Variants in CDH7 observed in about 807,000 individuals in gnomAD.
The protein encoded by CDH7 is cadherin 7.
In CDH7, 25 loss-of-function variants were observed where a neutral mutation model predicts 71.8. That is an observed-to-expected ratio of 0.35 (90% CI 0.25 to 0.49). The LOEUF is 0.49. Ranked by LOEUF, CDH7 falls within the 20% of genes least tolerant of loss-of-function variation. The pLI is 0.99. For synonymous variants in CDH7, 381 were observed against 363.8 expected, an observed-to-expected ratio of 1.05 and a Z score of -0.54; for missense variants, 862 against 974.6, an observed-to-expected ratio of 0.88 and a Z score of 1.54.
intron 2 of CDH7, among the ~76,000 whole-genome samples, chr18:65,764,533 GA>G (rs1342471374): frequency 6.6e-6 from 1 of 151,980 alleles, no homozygotes; most frequent in Non-Finnish European, 1.5e-5. Flanking sequence ...TAAAGAAATT[GA>G]GAGGAGTAAC....
At chr18:65,822,475 A>C (rs1181862680) in intron 5 of CDH7, among the ~76,000 whole-genome samples, 1 of 152,102 alleles carries the variant, frequency 6.6e-6, no homozygotes, top group Non-Finnish European at 1.5e-5. Context: ...CTTCTATCTT[A>C]AATATAGTAA....
In CDH7 at chr18:65,885,539, C is replaced by T. The variant is rs571507510; in HGVS notation, c.*4645C>T. ...ACTACAGGCGCCCGCCACCGCGCCCCGCTAATTTTTTTGTATTTTTAGTAC... is the reference window on the plus strand; with the variant it reads ...ACTACAGGCGCCCGCCACCGCGCCCTGCTAATTTTTTTGTATTTTTAGTAC... On this transcript the variant is annotated 3_prime_UTR_variant, in exon 12 of 12. Coordinates refer to ENST00000397968, the MANE Select transcript of CDH7 (RefSeq NM_004361.5). 2.9e-4 allele frequency: 44 copies of T among 151,516 alleles called. No individual in the cohort carries two copies. The highest frequency in any genetic ancestry group is 5.0e-4 in the Non-Finnish European group (34 of 67,862). 9.4% of individuals were successfully genotyped at this position (151,516 alleles called of 1,614,324 possible).
chr18:65,793,870 G>T (rs988586193), intron 2 of CDH7, among the ~76,000 whole-genome samples: 1 of 152,070 alleles, frequency 6.6e-6, no homozygotes, highest in Non-Finnish European at 1.5e-5. Flanking sequence ...GTAAGACTTT[G>T]ATTTGGCTTT....
Position 65,857,518 on chromosome 18 carries a change from A to G in CDH7, c.1236-298A>G, listed in dbSNP as rs552591372. ...CCTGTATCAAAAATAAATAAATAAT[A>G]ATAGTAATAATAATGAACTTGAAGT... On this transcript the variant is annotated intron_variant, in intron 7 of 11. Coordinates refer to ENST00000397968, the MANE Select transcript of CDH7 (RefSeq NM_004361.5). Among the ~76,000 whole-genome samples the G allele has an allele frequency of 4.0e-5, 6 of 151,770 alleles. No homozygotes were observed. The South Asian group carries it at 1.2e-3, about 32-fold the overall frequency.
intron 1 of CDH7, among the ~76,000 whole-genome samples, chr18:65,751,388 A>G (rs926148216): frequency 6.6e-6 from 1 of 152,200 alleles, no homozygotes; most frequent in Non-Finnish European, 1.5e-5. Flanking sequence ...GTGTTGACAG[A>G]CACCAGGTGC....
At chr18:65,837,081 A>G (rs530518650) in intron 6 of CDH7, among the ~76,000 whole-genome samples, 2 of 152,158 alleles carry the variant, frequency 1.3e-5, no homozygotes, top group African/African-American at 4.8e-5. Flanking sequence ...TATTGTTTAT[A>G]TATTATCTTT....
At chr18:65,783,532 A>C (rs578071548) in intron 2 of CDH7, among the ~76,000 whole-genome samples, 6 of 152,184 alleles carry the variant, frequency 3.9e-5, no homozygotes, top group Non-Finnish European at 8.8e-5. Flanking sequence ...ACTTTAGATT[A>C]TGAATACCAC....
chr18:65,824,910 A>G, intron 6 of CDH7, 79 bp downstream of exon 6: 1 of 921,132 alleles, frequency 1.1e-6, no homozygotes, highest in Non-Finnish European at 1.6e-6. Context: ...TACTAGACAA[A>G]CCGAATGGCC....
intron 6 of CDH7, among the ~76,000 whole-genome samples, chr18:65,826,748 A>G (rs1912145204): frequency 6.6e-6 from 1 of 151,510 alleles, no homozygotes; most frequent in East Asian, 1.9e-4. Flanking sequence ...CCAAATGGAA[A>G]TAAATATCAT....
At chr18:65,833,698 A>G (rs62086457) in intron 6 of CDH7, among the ~76,000 whole-genome samples, 1 of 152,132 alleles carries the variant, frequency 6.6e-6, no homozygotes. Context: ...TTAAGGTATA[A>G]ATTTACCTGT....
intron 11 of CDH7, among the ~76,000 whole-genome samples, chr18:65,866,771 G>A (rs1283193633): frequency 6.6e-6 from 1 of 151,876 alleles, no homozygotes; most frequent in Non-Finnish European, 1.5e-5. Context: ...ATCTCTATCT[G>A]TATTCTCCTA....
In CDH7 at chr18:65,798,877, C is replaced by G. The variant is rs377518264; in HGVS notation, c.211-10827C>G. Among the ~76,000 whole-genome samples the G allele has an allele frequency of 2.6e-5, 4 of 152,234 alleles. No homozygotes were observed. The South Asian group carries it at 8.3e-4, about 32-fold the overall frequency. On this transcript the variant is annotated intron_variant, in intron 2 of 11. Transcript: ENST00000397968. The stretch of plus-strand genomic sequence containing the variant: ...CACACGAATGTTTCATTTGGTGAGG[C>G]ACGCAGGGGATCTGGGAGGCTTTCG...
chr18:65,863,097 G>C (rs1346899376), intron 11 of CDH7, 180 bp downstream of exon 11: 1 of 664,812 alleles, frequency 1.5e-6, no homozygotes, highest in East Asian at 2.7e-5. Flanking sequence ...GAGTGCAGTA[G>C]AATGATCTGG....
intron 2 of CDH7, among the ~76,000 whole-genome samples, chr18:65,795,811 G>A (rs527710866): frequency 6.6e-6 from 1 of 152,174 alleles, no homozygotes; most frequent in African/African-American, 2.4e-5. Flanking sequence ...TCCTCATATC[G>A]TGGGAGGGAT....
chr18:65,788,891 T>A (rs772627988), intron 2 of CDH7, among the ~76,000 whole-genome samples: 3 of 152,148 alleles, frequency 2.0e-5, no homozygotes, highest in African/African-American at 4.8e-5. Flanking sequence ...TAGTTGAAAA[T>A]CAAACTTATG....
At chr18:65,880,301 G>A in intron 11 of CDH7, 100 bp from the exon 12 acceptor site, 1 of 1,237,374 alleles carries the variant, frequency 8.1e-7, no homozygotes, top group Non-Finnish European at 1.1e-6. Context: ...TCTTTAAAGG[G>A]AAGAAAACCT....
At chr18:65,798,167 C>T (rs973194159) in intron 2 of CDH7, among the ~76,000 whole-genome samples, 24 of 152,014 alleles carry the variant, frequency 1.6e-4, no homozygotes, top group African/African-American at 5.8e-4. Context: ...TCTTCATGCT[C>T]TTGGGATTGG....
chr18:65,821,365 TC>T (rs1277805600), intron 4 of CDH7, among the ~76,000 whole-genome samples: 1 of 152,152 alleles, frequency 6.6e-6, no homozygotes, highest in Non-Finnish European at 1.5e-5. Context: ...TATATTTTTT[TC>T]ATTTTTATTA....
chr18:65,775,312 T>C (rs1342958527), intron 2 of CDH7, among the ~76,000 whole-genome samples: 2 of 152,184 alleles, frequency 1.3e-5, no homozygotes, highest in African/African-American at 2.4e-5. Flanking sequence ...GCTCAGCTTT[T>C]CTCCGCTTAA....
Sources: allele counts gnomAD v4.1 joint callset (sites outside exome capture counted in the v4.1 genomes callset), GRCh38; gene constraint gnomAD v4.1.1; transcripts MANE v1.5; gene names NCBI Gene and HGNC (gene_info 2026-07-23, HGNC 2026-07-21).